WDR59: variants seen among roughly 807,000 people sequenced by gnomAD.
WDR59 encodes the protein WD repeat domain 59.
In WDR59, 100 loss-of-function variants were observed where a neutral mutation model predicts 131.2. The observed-to-expected ratio is 0.76, with a 90% CI of 0.65 to 0.90. The LOEUF (loss-of-function observed/expected upper bound fraction) is 0.90. Ranked by LOEUF, WDR59 falls within the 40% of genes least tolerant of loss-of-function variation. The pLI is 0.00. For synonymous variants in WDR59, 601 were observed against 466.2 expected (o/e 1.29, Z -3.72); for missense variants, 1,203 against 1,262.2 (o/e 0.95, Z 0.71).
chr16:74,971,912 T>C (rs1214783610), intron 1 of WDR59, among the ~76,000 whole-genome samples: 3 of 145,826 alleles, frequency 2.1e-5, no homozygotes, highest in Admixed American at 1.4e-4. Flanking sequence ...GGTCGCTATG[T>C]AGCCCAGTCT....
chr16:74,951,301 C>T (rs768400723), intron 4 of WDR59, among the ~76,000 whole-genome samples, 157 bp downstream of exon 4: 35 of 152,094 alleles, frequency 2.3e-4, no homozygotes, highest in Admixed American at 2.2e-3. Context: ...CTGTGCTCTT[C>T]ACCACCATCT....
At chr16:74,916,100 A>T (rs1966358873) in intron 12 of WDR59, 27 bp downstream of exon 12, 8 of 1,614,168 alleles carry the variant, frequency 5.0e-6, no homozygotes, top group Non-Finnish European at 6.8e-6. Context: ...GTGGCACCTT[A>T]CCTGAGACAT....
chr16:74,940,881 T>G (rs569977706), intron 7 of WDR59, among the ~76,000 whole-genome samples: 2 of 151,924 alleles, frequency 1.3e-5, no homozygotes, highest in African/African-American at 4.8e-5. Context: ...AAATTTTGTA[T>G]TTTTAGTACA....
intron 1 of WDR59, among the ~76,000 whole-genome samples, chr16:74,972,523 A>G (rs143885967): frequency 2.0e-5 from 3 of 152,228 alleles, no homozygotes; most frequent in Admixed American, 6.6e-5. Flanking sequence ...TCGGCTTTGC[A>G]GTCAGAATTA....
intron 8 of WDR59, among the ~76,000 whole-genome samples, chr16:74,926,221 G>C (rs1445812703): frequency 6.6e-6 from 1 of 151,904 alleles, no homozygotes; most frequent in Non-Finnish European, 1.5e-5. Context: ...CACCACGCCT[G>C]GCTAATTTTT....
intron 4 of WDR59, among the ~76,000 whole-genome samples, chr16:74,951,018 G>A (rs1416906958): frequency 2.6e-5 from 4 of 151,738 alleles, no homozygotes; most frequent in African/African-American, 4.8e-5. Context: ...AAATTAGCCG[G>A]GCGTGGTGGT....
chr16:74,967,235 A>G (rs1250107383), intron 1 of WDR59, among the ~76,000 whole-genome samples: 2 of 152,216 alleles, frequency 1.3e-5, no homozygotes, highest in Admixed American at 1.3e-4. Flanking sequence ...AGTGATTAAC[A>G]TGCATCCTTC....
chr16:74,952,919 T>C (rs2033084619), intron 3 of WDR59, among the ~76,000 whole-genome samples: 1 of 152,062 alleles, frequency 6.6e-6, no homozygotes, highest in East Asian at 1.9e-4. Context: ...CAAAATAGCT[T>C]CCAAAGAGAA....
intron 8 of WDR59, among the ~76,000 whole-genome samples, chr16:74,928,769 T>C (rs2031111319): frequency 6.6e-6 from 1 of 151,366 alleles, no homozygotes; most frequent in African/African-American, 2.4e-5. Flanking sequence ...ATAATCCGGG[T>C]GTGGTGGTGT....
At chr16:74,952,319 G>A (rs1016266645) in intron 3 of WDR59, among the ~76,000 whole-genome samples, 2 of 151,746 alleles carry the variant, frequency 1.3e-5, no homozygotes, top group Admixed American at 6.6e-5. Context: ...GTGCATGCCT[G>A]TGGTCTCAGC....
At chr16:74,945,878 G>A (rs2032596241) in intron 6 of WDR59, among the ~76,000 whole-genome samples, 1 of 150,428 alleles carries the variant, frequency 6.6e-6, no homozygotes, top group African/African-American at 2.5e-5. Flanking sequence ...GAGTGCAATG[G>A]CGTGATCTCG....
intron 1 of WDR59, among the ~76,000 whole-genome samples, chr16:74,976,004 T>C (rs4888328): frequency 0.26 from 39,166 of 152,080 alleles, 5,998 homozygotes; most frequent in East Asian, 0.43. Flanking sequence ...AATACACATA[T>C]ATAAATTTAT....
chr16:74,910,451 G>C (rs930818894), intron 14 of WDR59, among the ~76,000 whole-genome samples: 1 of 152,100 alleles, frequency 6.6e-6, no homozygotes, highest in Non-Finnish European at 1.5e-5. Flanking sequence ...CAGCACACGT[G>C]GATTTTGAGA....
intron 5 of WDR59, 28 bp downstream of exon 5, chr16:74,949,690 A>C (rs1567424117): frequency 1.2e-6 from 2 of 1,606,102 alleles, no homozygotes; most frequent in Non-Finnish European, 1.7e-6. Flanking sequence ...CCCCCAACCA[A>C]GTGGTTATGC....
At chr16:74,880,802 A>G (rs566533258) in intron 25 of WDR59, among the ~76,000 whole-genome samples, 1 of 152,272 alleles carries the variant, frequency 6.6e-6, no homozygotes, top group Non-Finnish European at 1.5e-5. Flanking sequence ...AGGCTTTTCA[A>G]AACTTCCAGG....
intron 6 of WDR59, among the ~76,000 whole-genome samples, chr16:74,945,968 C>G (rs1031825400): frequency 4.7e-4 from 72 of 152,144 alleles, no homozygotes; most frequent in African/African-American, 1.6e-3. Flanking sequence ...CAGGCATGCA[C>G]CACCACGCCC....
At chr16:74,890,924 G>C (rs914918256) in intron 20 of WDR59, among the ~76,000 whole-genome samples, 4 of 151,954 alleles carry the variant, frequency 2.6e-5, no homozygotes, top group African/African-American at 9.7e-5. Context: ...GACCAGCCTG[G>C]CCAATATGGT....
chr16:74,979,775 A>G (rs56129901), intron 1 of WDR59, among the ~76,000 whole-genome samples: 25,260 of 146,506 alleles, frequency 0.17, 2,732 homozygotes, highest in African/African-American at 0.3. Flanking sequence ...TCCCAACCTC[A>G]AGATCCGCCT....
chr16:74,895,768 G>A lies in WDR59; in HGVS notation c.1867-1956C>T, dbSNP rs375061707. Among the ~76,000 whole-genome samples the A allele has an allele frequency of 7.4e-4, 112 of 152,298 alleles. 1 individual carries two copies. In the South Asian group the frequency reaches 0.021, roughly 29 times the overall value. Reference sequence around the variant, plus strand: ...ATCATCCTGACATGGGTGTAAGTAAGGGGAGGATACGTTAAAGAGCAAATA... The same window carrying A: ...ATCATCCTGACATGGGTGTAAGTAAAGGGAGGATACGTTAAAGAGCAAATA... On this transcript the variant is annotated intron_variant, in intron 18 of 25. Coordinates refer to ENST00000262144, the MANE Select transcript of WDR59 (RefSeq NM_030581.4).
Sources: allele counts gnomAD v4.1 joint callset (sites outside exome capture counted in the v4.1 genomes callset), GRCh38; gene constraint gnomAD v4.1.1; transcripts MANE v1.5; gene names NCBI Gene and HGNC (gene_info 2026-07-23, HGNC 2026-07-21).